Variants in PLCL2 observed in about 807,000 individuals in gnomAD.
PLCL2 encodes inactive phospholipase C-like protein 2.
Under a neutral mutation model 79.6 loss-of-function variants are expected in PLCL2, and 4 were observed. The ratio of observed to expected loss-of-function variants is 0.05; its 90% CI spans 0.02 to 0.11. PLCL2 has a LOEUF of 0.11. Among genes scored for constraint, PLCL2 ranks in the 10% least tolerant of loss-of-function variants. The pLI is 1.00. For missense variants in PLCL2, 895 were observed against 1,291.0 expected (o/e 0.69, Z 4.70); for synonymous variants, 484 against 457.7 (o/e 1.06, Z -0.73).
chr3:16,885,808 G>C (rs952804613), intron 1 of PLCL2, among the ~76,000 whole-genome samples: 8 of 152,136 alleles, frequency 5.3e-5, no homozygotes, highest in Admixed American at 1.3e-4. Flanking sequence ...TATTTAATAG[G>C]GTTCTTCTGA....
chr3:17,045,622 G>A (rs1015456870), intron 4 of PLCL2, among the ~76,000 whole-genome samples: 4 of 151,862 alleles, frequency 2.6e-5, no homozygotes, highest in Non-Finnish European at 5.9e-5. Context: ...AGTCCTCTCT[G>A]TTAAGAAGAG....
chr3:16,905,581 A>T (rs568574316), intron 1 of PLCL2, among the ~76,000 whole-genome samples: 1 of 152,220 alleles, frequency 6.6e-6, no homozygotes, highest in Non-Finnish European at 1.5e-5. Flanking sequence ...AAAATTTTCT[A>T]TGTAAAGGAA....
At chr3:17,029,193 G>A (rs1159350558) in intron 3 of PLCL2, among the ~76,000 whole-genome samples, 2 of 151,904 alleles carry the variant, frequency 1.3e-5, no homozygotes, top group African/African-American at 4.8e-5. Flanking sequence ...GGGACCAGAG[G>A]CAGGAGAGAC....
intron 1 of PLCL2, among the ~76,000 whole-genome samples, chr3:16,952,936 T>C (rs1559496498): frequency 6.6e-6 from 1 of 152,140 alleles, no homozygotes. Flanking sequence ...GAAAGTTCAC[T>C]GCTATGAATT....
chr3:16,921,982 A>T (rs568517121), intron 1 of PLCL2, among the ~76,000 whole-genome samples: 7 of 152,202 alleles, frequency 4.6e-5, no homozygotes, highest in Non-Finnish European at 1.0e-4. Context: ...AGCAGAGCAA[A>T]AAAAGAGAGA....
intron 1 of PLCL2, among the ~76,000 whole-genome samples, chr3:16,912,483 G>C (rs1165263168): frequency 6.6e-6 from 1 of 152,178 alleles, no homozygotes; most frequent in African/African-American, 2.4e-5. Context: ...GTGTATAGTG[G>C]TTTTACTTCA....
At chr3:16,970,036 A>ATT (rs1192253411) in intron 1 of PLCL2, among the ~76,000 whole-genome samples, 1 of 123,776 alleles carries the variant, frequency 8.1e-6, no homozygotes, top group Non-Finnish European at 1.7e-5. Flanking sequence ...CTTGGCTTTG[A>ATT]TTTATATATA....
intron 5 of PLCL2, among the ~76,000 whole-genome samples, chr3:17,085,729 G>A (rs188972799): frequency 3.9e-5 from 6 of 152,102 alleles, no homozygotes; most frequent in African/African-American, 7.2e-5. Context: ...GATTACAGGC[G>A]TGAGCCACCA....
At chr3:16,931,253 G>C (rs969834632) in intron 1 of PLCL2, among the ~76,000 whole-genome samples, 7 of 151,850 alleles carry the variant, frequency 4.6e-5, no homozygotes, top group Non-Finnish European at 1.0e-4. Flanking sequence ...TTGAGAGTAG[G>C]AACCCAGATT....
chr3:16,944,598 A>G (rs1320203447), intron 1 of PLCL2, among the ~76,000 whole-genome samples: 1 of 152,226 alleles, frequency 6.6e-6, no homozygotes, highest in Non-Finnish European at 1.5e-5. Context: ...GACCATGTGA[A>G]GACACAGAGA....
At chr3:16,897,502 A>T (rs1696511181) in intron 1 of PLCL2, among the ~76,000 whole-genome samples, 1 of 152,216 alleles carries the variant, frequency 6.6e-6, no homozygotes, top group Non-Finnish European at 1.5e-5. Flanking sequence ...GTCTTTAGAA[A>T]GAATTAGTTT....
chr3:17,058,899 A>G (rs537814018), intron 4 of PLCL2, among the ~76,000 whole-genome samples: 1 of 152,288 alleles, frequency 6.6e-6, no homozygotes, highest in Admixed American at 6.5e-5. Flanking sequence ...TCCATCACAT[A>G]TAAATGACAA....
chr3:17,051,980 C>T (rs79324843), intron 4 of PLCL2, among the ~76,000 whole-genome samples: 4,308 of 152,044 alleles, frequency 0.028, 227 homozygotes, highest in African/African-American at 0.1. Flanking sequence ...GTCATAAGTA[C>T]CTTTAAGGCT....
At chr3:16,969,609 GTATT>G (rs2063838357) in intron 1 of PLCL2, among the ~76,000 whole-genome samples, 1 of 151,892 alleles carries the variant, frequency 6.6e-6, no homozygotes. Context: ...ATTTCTGATT[GTATT>G]TATTTGGGTC....
intron 5 of PLCL2, among the ~76,000 whole-genome samples, chr3:17,072,079 A>C (rs1371010683): frequency 1.3e-5 from 2 of 152,256 alleles, no homozygotes; most frequent in Non-Finnish European, 2.9e-5. Flanking sequence ...TGCCCACCTC[A>C]GCCTTCCAAA....
chr3:17,057,497 G>T (rs1308139614), intron 4 of PLCL2, among the ~76,000 whole-genome samples: 2 of 152,184 alleles, frequency 1.3e-5, no homozygotes, highest in African/African-American at 2.4e-5. Flanking sequence ...GAAGTTGGTT[G>T]TGAAGGTCTG....
At chr3:17,032,390 T>TA (rs1213965319) in intron 3 of PLCL2, among the ~76,000 whole-genome samples, 5 of 152,202 alleles carry the variant, frequency 3.3e-5, no homozygotes, top group African/African-American at 1.2e-4. Flanking sequence ...TTACCTGGTT[T>TA]AAAAGCACAG....
intron 3 of PLCL2, among the ~76,000 whole-genome samples, chr3:17,038,023 A>G (rs943710920): frequency 6.6e-6 from 1 of 152,170 alleles, no homozygotes; most frequent in African/African-American, 2.4e-5. Flanking sequence ...ACTCCGATAA[A>G]AGGCATATCT....
At chr3:16,971,738 G>T (rs993901029) in intron 1 of PLCL2, among the ~76,000 whole-genome samples, 2 of 152,148 alleles carry the variant, frequency 1.3e-5, no homozygotes, top group African/African-American at 2.4e-5. Flanking sequence ...GCAGTGGTTT[G>T]TAGTTCTCCT....
Sources: gnomAD v4.1 joint callset for allele counts (sites outside exome capture counted in the v4.1 genomes callset) on GRCh38, gnomAD v4.1.1 for gene constraint, MANE v1.5 for transcripts, NCBI Gene and HGNC (gene_info 2026-07-23, HGNC 2026-07-21) for gene names.